The following PKD1 variants were observed in gnomAD, a reference collection of about 807,000 sequenced individuals.
PKD1 encodes polycystin 1, transient receptor potential channel interacting, also known as polycystin-1.
A neutral mutation model predicts 361.7 loss-of-function variants in PKD1; 81 were observed. The ratio of observed to expected loss-of-function variants is 0.22; its 90% CI spans 0.19 to 0.27. The LOEUF (loss-of-function observed/expected upper bound fraction) is 0.27. Ranked by LOEUF, PKD1 falls within the 10% of genes least tolerant of loss-of-function variation. The pLI is 1.00. For missense variants in PKD1, 6,399 were observed against 6,118.3 expected, an observed-to-expected ratio of 1.05 and a Z score of -1.53; for synonymous variants, 3,615 against 2,818.3, an observed-to-expected ratio of 1.28 and a Z score of -8.95.
At chr16:2,101,903 C>T (rs2092113045) in intron 26 of PKD1, 158 bp downstream of exon 26, 1 of 652,924 alleles carries the variant, frequency 1.5e-6, no homozygotes, top group Non-Finnish European at 2.8e-6. Flanking sequence ...ACAGTGAGTG[C>T]TCACGAGGTC....
intron 44 of PKD1, 32 bp from the exon 45 acceptor site, chr16:2,090,622 CAGCTG>C (rs758921376): frequency 8.0e-5 from 129 of 1,609,284 alleles, no homozygotes; most frequent in Admixed American, 3.2e-4. Context: ...TGAGGGCGTA[CAGCTG>C]AGCTGAGCTG....
At chr16:2,093,155 G>A in intron 37 of PKD1, 62 bp from the exon 38 acceptor site, 1 of 1,591,748 alleles carries the variant, frequency 6.3e-7, no homozygotes, top group Non-Finnish European at 8.6e-7. Flanking sequence ...GCAGGGCTTT[G>A]GCAACGGCTG....
At position 2,111,105 on chromosome 16, in the gene PKD1, C is replaced by A; in HGVS notation, c.4062G>T (p.Thr1354=). 6.2e-7 allele frequency: 1 copy of A among 1,610,740 alleles called. No individual in the cohort carries two copies. Among genetic ancestry groups the A allele is most frequent in the East Asian group, 2.2e-5 (1 of 44,870 alleles). Residue 1354 remains threonine (T), a synonymous_variant, in exon 15 of 46, where the codon ACG becomes ACT. Coordinates refer to ENST00000262304, the MANE Select transcript of PKD1 (RefSeq NM_001009944.3). ...TGGACAGCACCAGCGCCAGGGGGAA[C>A]GTGCCGCTCCGCGTGAAGTTGTGTG... ...TVTHNFTRSG[T]FPLALVLSSR... is the part of the protein sequence containing the mutation.
At chr16:2,120,784 C>T (rs2092708165) in intron 1 of PKD1, among the ~76,000 whole-genome samples, 1 of 152,054 alleles carries the variant, frequency 6.6e-6, no homozygotes, top group Admixed American at 6.6e-5. Flanking sequence ...TTTGGGAGGC[C>T]AAGGTGGGTG....
chr16:2,114,282 T>C lies in PKD1; in HGVS notation c.2741A>G (p.Glu914Gly). Residue 914 changes from glutamate to glycine, a missense_variant, in exon 11 of 46, where the codon GAA (glutamate) becomes GGA (glycine). Glu to Gly is a moderately conservative substitution (Grantham distance 98). Coordinates refer to ENST00000262304, the MANE Select transcript of PKD1 (RefSeq NM_001009944.3). ...EGEHVVDVVV[E>G]NSASRANLSL... ...GAGGTTGGCCCGGCTGGCGCTGTTTTCCACCACCACGTCCACCACGTGCTC... is the reference window on the plus strand; with the variant it reads ...GAGGTTGGCCCGGCTGGCGCTGTTTCCCACCACCACGTCCACCACGTGCTC... 1 of 1,610,458 alleles carries C rather than the reference T, an allele frequency of 6.2e-7. No individual in the cohort carries two copies. The highest frequency in any genetic ancestry group is 8.5e-7 in the Non-Finnish European group (1 of 1,179,654).
intron 10 of PKD1, 57 bp from the exon 11 acceptor site, chr16:2,114,982 C>T: frequency 6.6e-7 from 1 of 1,523,254 alleles, no homozygotes. Context: ...CCGTGGACCC[C>T]CGCACGACGG....
intron 16 of PKD1, chr16:2,107,307 G>A: frequency 2.6e-6 from 1 of 390,456 alleles, no homozygotes; most frequent in South Asian, 2.1e-5. Context: ...ACAGACTCCT[G>A]CAGCCCTTAG....
rs1196473317 is a variant in PKD1, at chr16:2,110,739, G to A, written c.4428C>T (p.Ser1476=). 1 of 1,610,526 alleles carries A rather than the reference G, an allele frequency of 6.2e-7. No individual in the cohort carries two copies. ...ACGGCTGCTGCAGCTCCAGCCCAAG[G>A]GAGCCATTGACCTTGATGCTGGTGA... ...VLVTSIKVNG[S]LGLELQQPYL... Residue 1476 remains serine, a synonymous_variant, in exon 15 of 46, where the codon TCC becomes TCT. Coordinates refer to ENST00000262304, the MANE Select transcript of PKD1 (RefSeq NM_001009944.3).
intron 1 of PKD1, among the ~76,000 whole-genome samples, chr16:2,129,707 G>A (rs996576068): frequency 5.9e-5 from 9 of 151,374 alleles, no homozygotes; most frequent in East Asian, 1.9e-4. Flanking sequence ...ATACCACCAC[G>A]CCCGGCCAAT....
chr16:2,105,581 T>G, intron 20 of PKD1, 107 bp from the exon 21 acceptor site: 1 of 1,592,466 alleles, frequency 6.3e-7, no homozygotes, highest in Non-Finnish European at 8.5e-7. Context: ...AGACGCTGTG[T>G]GATGCGGGCA....
Position 2,100,248 on chromosome 16 carries a change from G to T in PKD1, c.9630C>A (p.Ser3210Arg), listed in dbSNP as rs546852303. Residue 3210 changes from serine (S) to arginine (R), a missense_variant, in exon 28 of 46, where the codon AGC becomes AGA. Ser to Arg is a moderately radical substitution (Grantham distance 110). Coordinates refer to ENST00000262304, the MANE Select transcript of PKD1 (RefSeq NM_001009944.3). This position sits in a 1 kb window ranked among gnomAD's most constrained non-coding sequence, Gnocchi z 4.4. The part of the protein sequence containing the change: ...VIVRDLQTAR[S>R]AFFLVNDWLS... ...GCCAGTCATTGACCAGGAAGAAGGCGCTGCGTGCCGTCTGCAGGTCCCTGA... is the reference window on the plus strand; with the variant it reads ...GCCAGTCATTGACCAGGAAGAAGGCTCTGCGTGCCGTCTGCAGGTCCCTGA... 1.2e-6 allele frequency: 2 copies of T among 1,610,462 alleles called. No homozygotes were observed. Among genetic ancestry groups the T allele is most frequent in the South Asian group, 2.2e-5 (2 of 91,000 alleles).
chr16:2,113,069 C>T, intron 12 of PKD1, 92 bp downstream of exon 12: 1 of 1,280,528 alleles, frequency 7.8e-7, no homozygotes, highest in South Asian at 1.2e-5. Context: ...CCTCGGGCAG[C>T]ATGAAGCAGA....
intron 1 of PKD1, chr16:2,119,899 G>A (rs2151827504): frequency 1.4e-6 from 1 of 700,358 alleles, no homozygotes; most frequent in Non-Finnish European, 2.6e-6. Flanking sequence ...GCCACCTCGA[G>A]GCATAAACCC....
At chr16:2,123,403 C>T (rs1200750934) in intron 1 of PKD1, 1 of 454,616 alleles carries the variant, frequency 2.2e-6, no homozygotes, top group Admixed American at 2.4e-5. Flanking sequence ...CTGCCCTGGG[C>T]AGGACTCAGG....
At chr16:2,099,527 C>A (rs1443182594) in intron 30 of PKD1, 117 bp downstream of exon 30, 1 of 846,420 alleles carries the variant, frequency 1.2e-6, no homozygotes. Context: ...CCTTCCCGAG[C>A]AGCCTTTGGT....
Position 2,108,037 on chromosome 16 carries a change from A to C in PKD1, c.6916-5T>G. 1 of 1,560,544 alleles carries C rather than the reference A, an allele frequency of 6.4e-7. No individual in the cohort carries two copies. The highest frequency in any genetic ancestry group is 8.7e-7 in the Non-Finnish European group (1 of 1,154,512). ...CGCACACCCGCCAGCCTCCCTCTGC[A>C]GGCCGAGAACAAGGGGCGACGTGGC... On this transcript the variant is annotated splice_polypyrimidine_tract_variant and splice_region_variant and intron_variant, in intron 15 of 45. Coordinates refer to ENST00000262304, the MANE Select transcript of PKD1 (RefSeq NM_001009944.3).
chr16:2,090,251 C>T lies in PKD1; in HGVS notation c.12444+34G>A, dbSNP rs775084010. The T allele has an allele frequency of 1.9e-5, 31 of 1,608,774 alleles. No homozygotes were observed. In the South Asian group the frequency reaches 2.9e-4, roughly 15 times the overall value. ...GCTGCACCCTGGGCAGAGCCCAGGG[C>T]GTGTCCCTCTCCCCCCCACTGGGCC... On this transcript the variant is annotated intron_variant, in intron 45 of 45. Coordinates refer to ENST00000262304, the MANE Select transcript of PKD1 (RefSeq NM_001009944.3).
rs753642967 is a variant in PKD1 at position 2,097,775 on chromosome 16, G to A, written c.10173C>T (p.Ala3391=). ...AGTCACTCTTCATCTGTCCAACAAA[G>A]GCCTGCTGAGAGGTGCACAGTGTCT... The part of the protein sequence containing the change: ...LTFSGLHAEQ[A]FVGQMKSDLF... The change falls in exon 32 of 46, where the codon GCC becomes GCT. Residue 3391 remains alanine (A), a synonymous_variant. Coordinates refer to ENST00000262304, the MANE Select transcript of PKD1 (RefSeq NM_001009944.3). 6 of 1,611,442 alleles carry A rather than the reference G, an allele frequency of 3.7e-6. No homozygotes were observed. The South Asian group carries it at 4.4e-5, about 12-fold the overall frequency.
At chr16:2,120,606 G>A (rs1366012853) in intron 1 of PKD1, among the ~76,000 whole-genome samples, 2 of 152,224 alleles carry the variant, frequency 1.3e-5, no homozygotes, top group East Asian at 3.8e-4. Flanking sequence ...GGGGGCTGAG[G>A]AGGAAGGATC....
Sources: gnomAD v4.1 joint callset for allele counts (sites outside exome capture counted in the v4.1 genomes callset) on GRCh38, gnomAD v4.1.1 for gene constraint, Gnocchi (gnomAD v3.1) non-coding constraint, MANE v1.5 for transcripts, NCBI Gene and HGNC (gene_info 2026-07-23, HGNC 2026-07-21) for gene names.